Variants in LRMDA observed in about 807,000 individuals in gnomAD.
The protein encoded by LRMDA is leucine rich melanocyte differentiation associated.
In LRMDA, 18 loss-of-function variants were observed where a neutral mutation model predicts 29.8. That is an observed-to-expected ratio of 0.60 (90% CI 0.42 to 0.90). The LOEUF is 0.90. LRMDA is among the 40% of genes least tolerant of loss of function. The probability of loss-of-function intolerance (pLI) is 0.00; values close to 1 mark genes in which losing one functional copy is unlikely to be tolerated. For missense variants in LRMDA, 273 were observed against 273.9 expected (o/e 1.00, Z 0.02); for synonymous variants, 125 against 109.4 (o/e 1.14, Z -0.89).
At chr10:75,829,584 ATATT>A in intron 2 of LRMDA, among the ~76,000 whole-genome samples, 1 of 152,300 alleles carries the variant, frequency 6.6e-6, no homozygotes, top group South Asian at 2.1e-4. Flanking sequence ...GGAATAAAAT[ATATT>A]TATTTATTCC....
At chr10:76,121,780 G>C (rs184465135) in intron 5 of LRMDA, among the ~76,000 whole-genome samples, 37 of 152,270 alleles carry the variant, frequency 2.4e-4, no homozygotes, top group African/African-American at 8.2e-4. Flanking sequence ...AGGAATCAAT[G>C]TATTTTATAT....
intron 6 of LRMDA, among the ~76,000 whole-genome samples, chr10:76,378,232 A>G (rs1292796701): frequency 6.6e-6 from 1 of 152,064 alleles, no homozygotes; most frequent in Non-Finnish European, 1.5e-5. Context: ...TGTAGGTTGA[A>G]TTTTTATTCT....
chr10:75,710,866 A>G (rs1194820955), intron 2 of LRMDA, among the ~76,000 whole-genome samples: 1 of 152,240 alleles, frequency 6.6e-6, no homozygotes, highest in East Asian at 1.9e-4. Context: ...AGGTGTGGCA[A>G]TGGGACGCTG....
chr10:76,271,223 C>G (rs368076750), intron 5 of LRMDA, among the ~76,000 whole-genome samples: 1 of 152,154 alleles, frequency 6.6e-6, no homozygotes, highest in African/African-American at 2.4e-5. Flanking sequence ...GCCTGAGCCA[C>G]ATGGCAAAAC....
chr10:75,979,009 C>A (rs1847121375), intron 2 of LRMDA, among the ~76,000 whole-genome samples: 1 of 152,156 alleles, frequency 6.6e-6, no homozygotes, highest in Admixed American at 6.5e-5. Flanking sequence ...TTGGACTTTC[C>A]ATGCATCACT....
intron 2 of LRMDA, among the ~76,000 whole-genome samples, chr10:75,449,138 T>TGA (rs1282381659): frequency 1.5e-5 from 2 of 129,504 alleles, no homozygotes; most frequent in African/African-American, 6.0e-5. Flanking sequence ...GGCGACAGAG[T>TGA]GAGACTCCAT....
intron 5 of LRMDA, among the ~76,000 whole-genome samples, chr10:76,274,152 A>G (rs1235515904): frequency 6.6e-6 from 1 of 152,168 alleles, no homozygotes; most frequent in African/African-American, 2.4e-5. Context: ...AGTTCCAAAT[A>G]TTGGAGTAAG....
chr10:75,954,215 T>G (rs963593332), intron 2 of LRMDA, among the ~76,000 whole-genome samples: 5 of 152,096 alleles, frequency 3.3e-5, no homozygotes, highest in African/African-American at 1.2e-4. Flanking sequence ...AGCACAGACA[T>G]GTGGGGACTA....
intron 2 of LRMDA, among the ~76,000 whole-genome samples, chr10:75,469,869 A>C (rs897660717): frequency 6.6e-6 from 1 of 152,206 alleles, no homozygotes; most frequent in Non-Finnish European, 1.5e-5. Flanking sequence ...AACAAGGTGC[A>C]GAGCTTGGTG....
At chr10:76,525,557 T>C (rs952045728) in intron 6 of LRMDA, among the ~76,000 whole-genome samples, 3 of 152,172 alleles carry the variant, frequency 2.0e-5, no homozygotes, top group African/African-American at 7.2e-5. Flanking sequence ...GCTTCTAGTG[T>C]CCTGGGGCCT....
chr10:76,303,210 CCTTTTTTTTTTTTT>C (rs1276696121), intron 5 of LRMDA, among the ~76,000 whole-genome samples: 5 of 143,684 alleles, frequency 3.5e-5, no homozygotes, highest in African/African-American at 1.4e-4. Context: ...TACACTCCTC[CCTTTTTTTTTTTTT>C]TTTTTGGAGA....
In LRMDA at chr10:75,608,214, C is replaced by G. The variant is rs553128783; in HGVS notation, c.131+169720C>G. On this transcript the variant is annotated intron_variant, in intron 2 of 6. Coordinates refer to ENST00000611255, the MANE Select transcript of LRMDA (RefSeq NM_001305581.2). ...TTGCAACATGGATGAACCTGGAGAA[C>G]ATGGTGACATAAACCAGACTTAGAA... is the stretch of plus-strand genomic sequence containing the variant. Among the ~76,000 whole-genome samples the G allele has an allele frequency of 1.5e-4, 23 of 151,084 alleles. No individual in the cohort carries two copies. The East Asian group carries it at 3.9e-3, about 26-fold the overall frequency.
At chr10:76,385,058 C>A (rs773851392) in intron 6 of LRMDA, among the ~76,000 whole-genome samples, 26 of 152,132 alleles carry the variant, frequency 1.7e-4, no homozygotes, top group Non-Finnish European at 3.4e-4. Flanking sequence ...ATTCCAATAG[C>A]AAGAGTATTA....
Position 76,444,248 on chromosome 10 carries a change from A to G in LRMDA, c.602-112961A>G, listed in dbSNP as rs373777060. ...TAGAAAGCCTCTGCTGATTCAGAGG[A>G]CAATGACTTTGACCTATTTATTTCA... On this transcript the variant is annotated intron_variant, in intron 6 of 6. Coordinates refer to ENST00000611255, the MANE Select transcript of LRMDA (RefSeq NM_001305581.2). 9.8e-5 allele frequency among the ~76,000 whole-genome samples: 15 copies of G among 152,336 alleles called. No homozygotes were observed. The East Asian group carries it at 2.5e-3, about 25-fold the overall frequency.
rs1372956060 is a variant in LRMDA at position 76,499,728 on chromosome 10, A to G, written c.602-57481A>G. On this transcript the variant is annotated intron_variant, in intron 6 of 6. Coordinates refer to ENST00000611255, the MANE Select transcript of LRMDA (RefSeq NM_001305581.2). ...AAATTTCTCCCTCTGTTGTACTAAC[A>G]TTCTTTTTCTAGCACAGGATCCAAC... Among the ~76,000 whole-genome samples the G allele has an allele frequency of 2.7e-5, 2 of 75,210 alleles. 1 individual carries two copies. Among genetic ancestry groups the G allele is most frequent in the Non-Finnish European group, 8.8e-5 (2 of 22,712 alleles). The allele number at this position is 75,210 out of a possible 152,430, so 49.3% of individuals were successfully genotyped here.
intron 2 of LRMDA, among the ~76,000 whole-genome samples, chr10:75,520,197 C>G (rs1412042337): frequency 6.6e-6 from 1 of 152,130 alleles, no homozygotes; most frequent in Non-Finnish European, 1.5e-5. Context: ...GTGGTGTTCT[C>G]TGTATTTCCC....
chr10:75,580,533 C>T (rs1360682942), intron 2 of LRMDA, among the ~76,000 whole-genome samples: 1 of 152,164 alleles, frequency 6.6e-6, no homozygotes, highest in Non-Finnish European at 1.5e-5. Flanking sequence ...CATCAAGCCA[C>T]CATTAACTTT....
chr10:76,135,279 C>T (rs1458531462), intron 5 of LRMDA, among the ~76,000 whole-genome samples: 2 of 152,144 alleles, frequency 1.3e-5, no homozygotes, highest in Admixed American at 1.3e-4. Flanking sequence ...AAAGCCCTTG[C>T]AGGCTTGATG....
chr10:76,154,867 T>A (rs1850510001), intron 5 of LRMDA, among the ~76,000 whole-genome samples: 1 of 152,192 alleles, frequency 6.6e-6, no homozygotes, highest in African/African-American at 2.4e-5. Context: ...ATAGTCCCTG[T>A]GGCAAAGAAG....
Sources: allele counts gnomAD v4.1 joint callset (sites outside exome capture counted in the v4.1 genomes callset), GRCh38; gene constraint gnomAD v4.1.1; transcripts MANE v1.5; gene names NCBI Gene and HGNC (gene_info 2026-07-23, HGNC 2026-07-21).